TMEM117: variants seen among roughly 807,000 people sequenced by gnomAD.
TMEM117 encodes the protein transmembrane protein 117.
In TMEM117, 27 loss-of-function variants were observed where a neutral mutation model predicts 52.4. The ratio of observed to expected loss-of-function variants is 0.51; its 90% CI spans 0.38 to 0.71. The LOEUF (loss-of-function observed/expected upper bound fraction) is 0.71. Ranked by LOEUF, TMEM117 falls within the 30% of genes least tolerant of loss-of-function variation. The pLI, the probability that TMEM117 is intolerant of heterozygous loss-of-function variation, is 0.00. For missense variants in TMEM117, 556 were observed against 630.5 expected, an observed-to-expected ratio of 0.88 and a Z score of 1.26; for synonymous variants, 215 against 206.3, an observed-to-expected ratio of 1.04 and a Z score of -0.36.
intron 6 of TMEM117, among the ~76,000 whole-genome samples, chr12:44,374,081 C>G (rs79651840): frequency 6.6e-6 from 1 of 152,104 alleles, no homozygotes; most frequent in African/African-American, 2.4e-5. Flanking sequence ...CACGCCTGGC[C>G]AGGATGTCCA....
chr12:44,330,496 A>G (rs918289057), intron 6 of TMEM117, among the ~76,000 whole-genome samples: 4 of 152,088 alleles, frequency 2.6e-5, no homozygotes, highest in Non-Finnish European at 1.5e-5. Flanking sequence ...CAATTAAAAT[A>G]TTATAATTCT....
the TMEM117 span, chr12:43,797,595 A>G: frequency 6.9e-6 from 10 of 1,445,706 alleles, no homozygotes; most frequent in Non-Finnish European, 9.3e-6. Context: ...TACAAAATGA[A>G]TTTTAGAAAT....
At chr12:44,080,045 T>G (rs1371922661) in intron 3 of TMEM117, among the ~76,000 whole-genome samples, 1 of 149,136 alleles carries the variant, frequency 6.7e-6, no homozygotes, top group African/African-American at 2.5e-5. Flanking sequence ...AGAGTGCATA[T>G]GGGAGTCTTT....
intron 6 of TMEM117, among the ~76,000 whole-genome samples, chr12:44,340,094 A>G (rs1239147325): frequency 6.6e-6 from 1 of 152,130 alleles, no homozygotes; most frequent in Non-Finnish European, 1.5e-5. Context: ...AAATAATTTA[A>G]TATAAAATGA....
chr12:43,966,646 T>A (rs562459296), intron 3 of TMEM117, among the ~76,000 whole-genome samples: 1 of 152,264 alleles, frequency 6.6e-6, no homozygotes, highest in South Asian at 2.1e-4. Flanking sequence ...CTATTAATAA[T>A]AGAGAACATG....
intron 5 of TMEM117, among the ~76,000 whole-genome samples, chr12:44,220,966 T>G (rs1949780564): frequency 6.6e-6 from 1 of 152,180 alleles, no homozygotes. Context: ...TTACATAATT[T>G]ATGTAGATAT....
intron 3 of TMEM117, among the ~76,000 whole-genome samples, chr12:44,032,812 C>G (rs1414684124): frequency 6.6e-6 from 1 of 152,144 alleles, no homozygotes; most frequent in Non-Finnish European, 1.5e-5. Flanking sequence ...GTAGGAATAT[C>G]ATTGCCCCTA....
At chr12:44,326,704 G>T (rs1592695603) in intron 6 of TMEM117, among the ~76,000 whole-genome samples, 2 of 152,176 alleles carry the variant, frequency 1.3e-5, no homozygotes, top group East Asian at 3.8e-4. Flanking sequence ...GAAAACTTCT[G>T]TGGCTTTTGT....
intron 3 of TMEM117, among the ~76,000 whole-genome samples, chr12:44,062,707 G>A (rs552478711): frequency 1.3e-5 from 2 of 152,268 alleles, no homozygotes; most frequent in African/African-American, 2.4e-5. Flanking sequence ...ATTGGAATAC[G>A]GGAGTCTCCT....
At chr12:43,879,117 A>G (rs1943852548) in intron 2 of TMEM117, among the ~76,000 whole-genome samples, 1 of 152,208 alleles carries the variant, frequency 6.6e-6, no homozygotes, top group South Asian at 2.1e-4. Flanking sequence ...TACACATATG[A>G]ACAGTTTTAT....
intron 3 of TMEM117, among the ~76,000 whole-genome samples, chr12:44,110,308 T>G (rs1206388496): frequency 3.4e-5 from 5 of 146,502 alleles, no homozygotes; most frequent in Non-Finnish European, 6.0e-5. Context: ...ATGCTTCCAG[T>G]TTTTGCCCAT....
intron 3 of TMEM117, among the ~76,000 whole-genome samples, chr12:43,960,292 A>T (rs1389677555): frequency 7.1e-6 from 1 of 141,814 alleles, no homozygotes; most frequent in Non-Finnish European, 1.5e-5. Flanking sequence ...GGCCCTGGAG[A>T]GGGGGGTTGA....
chr12:44,182,233 A>T (rs1949211414), intron 4 of TMEM117, among the ~76,000 whole-genome samples: 1 of 152,174 alleles, frequency 6.6e-6, no homozygotes, highest in Admixed American at 6.5e-5. Context: ...GAAGTTGATT[A>T]TCAGCTTATG....
chr12:44,078,841 T>A (rs1200154619), intron 3 of TMEM117, among the ~76,000 whole-genome samples: 1 of 151,950 alleles, frequency 6.6e-6, no homozygotes, highest in Non-Finnish European at 1.5e-5. Flanking sequence ...GTATTTCTTC[T>A]AATGCTATCC....
intron 5 of TMEM117, among the ~76,000 whole-genome samples, chr12:44,239,926 A>G (rs1454241395): frequency 6.6e-6 from 1 of 152,156 alleles, no homozygotes; most frequent in Non-Finnish European, 1.5e-5. Context: ...TATATACCAA[A>G]TAAATACTGG....
At chr12:44,307,726 G>A (rs1237614318) in intron 6 of TMEM117, among the ~76,000 whole-genome samples, 3 of 152,222 alleles carry the variant, frequency 2.0e-5, no homozygotes, top group African/African-American at 7.2e-5. Flanking sequence ...CCTCCAAATA[G>A]TAGACAGACT....
the TMEM117 span, among the ~76,000 whole-genome samples, chr12:43,801,581 G>T: frequency 6.6e-6 from 1 of 152,106 alleles, no homozygotes; most frequent in East Asian, 1.9e-4. Context: ...TTGTATGCAG[G>T]CCCATCACTT....
At chr12:43,845,460 CA>C (rs10677136) in intron 2 of TMEM117, among the ~76,000 whole-genome samples, 468 of 38,002 alleles carry the variant, frequency 0.012, no homozygotes, top group South Asian at 0.026. Flanking sequence ...GACTCCATCT[CA>C]AAAAAAAAAA....
the TMEM117 span, among the ~76,000 whole-genome samples, chr12:43,810,352 T>C: frequency 6.6e-6 from 1 of 152,234 alleles, no homozygotes; most frequent in Non-Finnish European, 1.5e-5. Flanking sequence ...TCTTTGCTAG[T>C]GATGCTAATT....
Sources: gnomAD v4.1 joint callset for allele counts (sites outside exome capture counted in the v4.1 genomes callset) on GRCh38, gnomAD v4.1.1 for gene constraint, MANE v1.5 for transcripts, NCBI Gene and HGNC (gene_info 2026-07-23, HGNC 2026-07-21) for gene names.